CDH23: variants seen among roughly 807,000 people sequenced by gnomAD.
CDH23 encodes cadherin related 23.
Under a neutral mutation model 317.1 loss-of-function variants are expected in CDH23, and 189 were observed. That is an observed-to-expected ratio of 0.60 (90% CI 0.53 to 0.67). The LOEUF is 0.67. CDH23 is among the 30% of genes least tolerant of loss of function. The pLI, the probability that CDH23 is intolerant of heterozygous loss-of-function variation, is 0.00. For synonymous variants in CDH23, 1,839 were observed against 1,876.8 expected (o/e 0.98, Z 0.52); for missense variants, 4,401 against 4,592.4 (o/e 0.96, Z 1.20).
At chr10:71,497,016 G>A (rs1198037382) in intron 3 of CDH23, among the ~76,000 whole-genome samples, 1 of 152,196 alleles carries the variant, frequency 6.6e-6, no homozygotes, top group Non-Finnish European at 1.5e-5. Flanking sequence ...ACATTCAGGG[G>A]ACTGTGAGGA....
intron 42 of CDH23, 106 bp downstream of exon 42, chr10:71,784,526 G>T: frequency 6.8e-7 from 1 of 1,461,232 alleles, no homozygotes. Context: ...GCCACAGGCT[G>T]CCCTGGAGCC....
In CDH23 at chr10:71,667,392, G is replaced by GTGTA. The variant is rs1554853125; in HGVS notation, c.1450-7717_1450-7716insATGT. Reference sequence around the variant, plus strand: ...TGTGTGTGTGTGTGTGTGTGTGTGTGTGTGCGCGTGTGTGTGTGAGGGGTG... The same window carrying GTGTA: ...TGTGTGTGTGTGTGTGTGTGTGTGTGTGTATGTGCGCGTGTGTGTGTGAGGGGTG... On this transcript the variant is annotated intron_variant, in intron 14 of 69. Transcript: ENST00000224721. 3.0e-3 allele frequency among the ~76,000 whole-genome samples: 305 copies of GTGTA among 101,966 alleles called. 4 individuals are homozygous for GTGTA. The highest frequency in any genetic ancestry group is 0.012 in the East Asian group (53 of 4,454). The allele number at this position is 101,966 out of a possible 152,430, so 66.9% of individuals were successfully genotyped here.
chr10:71,606,084 AT>A (rs1242729784), intron 9 of CDH23, among the ~76,000 whole-genome samples: 2 of 152,088 alleles, frequency 1.3e-5, no homozygotes, highest in African/African-American at 2.4e-5. Context: ...GGCATGATAG[AT>A]TTCACTATCT....
At chr10:71,667,123 C>G (rs1042245883) in intron 14 of CDH23, among the ~76,000 whole-genome samples, 2 of 152,258 alleles carry the variant, frequency 1.3e-5, no homozygotes, top group African/African-American at 2.4e-5. Context: ...GCTGCGGAGG[C>G]AGCTGGGCCT....
At chr10:71,668,780 G>T (rs896996265) in intron 14 of CDH23, among the ~76,000 whole-genome samples, 34 of 152,210 alleles carry the variant, frequency 2.2e-4, no homozygotes, top group Non-Finnish European at 3.8e-4. Context: ...GTCCAAGCAT[G>T]TAGCAATTCC....
chr10:71,580,756 T>C (rs1192128911), intron 9 of CDH23, among the ~76,000 whole-genome samples: 2 of 152,172 alleles, frequency 1.3e-5, no homozygotes, highest in Non-Finnish European at 2.9e-5. Context: ...CAAACCCCTG[T>C]TGGGTAATGA....
intron 1 of CDH23, among the ~76,000 whole-genome samples, chr10:71,436,816 G>A (rs1278736872): frequency 1.3e-5 from 2 of 152,164 alleles, no homozygotes; most frequent in African/African-American, 2.4e-5. Flanking sequence ...CATAACATCT[G>A]GTTTGGAATG....
chr10:71,513,218 G>A (rs1854092778), intron 6 of CDH23, among the ~76,000 whole-genome samples: 1 of 152,172 alleles, frequency 6.6e-6, no homozygotes, highest in Non-Finnish European at 1.5e-5. Context: ...CCTGCTTGGG[G>A]CTGCTCAGTG....
intron 1 of CDH23, among the ~76,000 whole-genome samples, chr10:71,419,297 G>A (rs753968292): frequency 1.3e-5 from 2 of 152,194 alleles, no homozygotes; most frequent in Non-Finnish European, 1.5e-5. Flanking sequence ...GTGACCTTGA[G>A]GGGGAATGGA....
At position 71,751,288 on chromosome 10, in the gene CDH23, G is replaced by A. The variant is rs770888554; in HGVS notation, c.4845+9367G>A. On this transcript the variant is annotated intron_variant, in intron 38 of 69. Coordinates refer to ENST00000224721, the MANE Select transcript of CDH23 (RefSeq NM_022124.6). The surrounding 1 kb of genome is among the most constrained non-coding windows in gnomAD (Gnocchi z 4.9). ...TCAAAGTTTGGAGAGTCAGGGACAG[G>A]GTCTGCAAGAAAAGGAGAAGCAAAG... The A allele has an allele frequency of 6.2e-7, 1 of 1,610,090 alleles. No homozygotes were observed. The highest frequency in any genetic ancestry group is 2.2e-5 in the East Asian group (1 of 44,798).
chr10:71,587,053 C>T (rs1046013495), intron 9 of CDH23, among the ~76,000 whole-genome samples: 3 of 152,336 alleles, frequency 2.0e-5, no homozygotes, highest in East Asian at 1.9e-4. Flanking sequence ...CAGCTACATA[C>T]GTCATCTCTC....
chr10:71,617,418 T>C (rs1009104984), intron 11 of CDH23, 25 bp downstream of exon 11: 2 of 1,609,526 alleles, frequency 1.2e-6, no homozygotes, highest in Non-Finnish European at 8.5e-7. Context: ...ACATGGCCCA[T>C]GCAGACCCAC....
chr10:71,622,260 T>C (rs541938018), intron 11 of CDH23, among the ~76,000 whole-genome samples: 18 of 152,242 alleles, frequency 1.2e-4, no homozygotes, highest in Middle Eastern at 3.4e-3. Context: ...CAACATATTC[T>C]TTGTATTTTC....
At chr10:71,605,940 T>C (rs995681154) in intron 9 of CDH23, among the ~76,000 whole-genome samples, 6 of 152,218 alleles carry the variant, frequency 3.9e-5, no homozygotes, top group Non-Finnish European at 8.8e-5. Context: ...TAGTCCCTGG[T>C]GATGTCTTTC....
Position 71,807,581 on chromosome 10 carries a change from G to GAGC in CDH23, c.8375_8376insGCA (p.Asp2792delinsGluHis). Reference sequence around the variant, plus strand: ...GTGTCTGCTGGTGCTGCGGGACCTGGACCGGGAGCGAGAAGCCATCTTCTC... The same window carrying GAGC: ...GTGTCTGCTGGTGCTGCGGGACCTGGAGCACCGGGAGCGAGAAGCCATCTTCTC... On this transcript the variant is annotated protein_altering_variant, in exon 59 of 70. Transcript: ENST00000224721. 6.2e-7 allele frequency: 1 copy of GAGC among 1,613,998 alleles called. No individual in the cohort carries two copies. Among genetic ancestry groups the GAGC allele is most frequent in the Non-Finnish European group, 8.5e-7 (1 of 1,179,894 alleles).
At position 71,779,489 on chromosome 10, in the gene CDH23, GCA is replaced by G. The variant is rs771726887; in HGVS notation, c.5368+46_5368+47del. On this transcript the variant is annotated intron_variant, in intron 41 of 69. Transcript: ENST00000224721. ...GCATGCCACCCACAGGGTCTCACCT[GCA>G]CACCCGCTCAGGGGAGGATAAGAAG... 3.3e-6 allele frequency: 5 copies of G among 1,526,112 alleles called. No individual in the cohort carries two copies. In the African/African-American group the frequency reaches 6.8e-5, roughly 21 times the overall value. The allele number at this position is 1,526,112 out of a possible 1,614,324, so 94.5% of individuals were successfully genotyped here. A position where few individuals can be genotyped will look rare whatever the true frequency, so the allele number is the denominator to read the frequency against.
intron 27 of CDH23, among the ~76,000 whole-genome samples, chr10:71,711,105 C>A (rs1041747703): frequency 2.0e-5 from 3 of 152,142 alleles, no homozygotes; most frequent in East Asian, 1.9e-4. Context: ...GATGCCTCTG[C>A]CCTCTGCCCT....
intron 3 of CDH23, 163 bp from the exon 4 acceptor site, chr10:71,509,919 A>G (rs1176206323): frequency 4.3e-6 from 3 of 700,998 alleles, no homozygotes; most frequent in East Asian, 5.4e-5. Context: ...GGGTACCTGG[A>G]TCAGAGCTCC....
Position 71,543,321 on chromosome 10 carries a change from G to T in CDH23, c.430-23421G>T, listed in dbSNP as rs962661251. On this transcript the variant is annotated intron_variant, in intron 6 of 69. Coordinates refer to ENST00000224721, the MANE Select transcript of CDH23 (RefSeq NM_022124.6). Reference sequence around the variant, plus strand: ...CCCGAGGACCTCCATTATCCAGAGAGCACTGGAAGAAACCTTGCTGTAGTA... The same window carrying T: ...CCCGAGGACCTCCATTATCCAGAGATCACTGGAAGAAACCTTGCTGTAGTA... 3.3e-5 allele frequency among the ~76,000 whole-genome samples: 5 copies of T among 152,214 alleles called. No individual in the cohort carries two copies. The South Asian group carries it at 1.0e-3, about 32-fold the overall frequency.
Sources: gnomAD v4.1 joint callset for allele counts (sites outside exome capture counted in the v4.1 genomes callset) on GRCh38, gnomAD v4.1.1 for gene constraint, Gnocchi (gnomAD v3.1) non-coding constraint, MANE v1.5 for transcripts, NCBI Gene and HGNC (gene_info 2026-07-23, HGNC 2026-07-21) for gene names.